Variants in FOXI1 observed in about 807,000 individuals in gnomAD.
FOXI1 encodes the protein forkhead box protein I1.
Under a neutral mutation model 16.4 loss-of-function variants are expected in FOXI1, and 11 were observed. The observed-to-expected ratio is 0.67, with a 90% confidence interval of 0.42 to 1.11. FOXI1 has a LOEUF of 1.11. Ranked by LOEUF, FOXI1 falls within the 50% of genes least tolerant of loss-of-function variation. The pLI, the probability that FOXI1 is intolerant of heterozygous loss-of-function variation, is 0.00. For missense variants in FOXI1, 480 were observed against 506.1 expected, an observed-to-expected ratio of 0.95 and a Z score of 0.49; for synonymous variants, 218 against 211.5, an observed-to-expected ratio of 1.03 and a Z score of -0.27.
At chr5:170,107,993 C>A in intron 1 of FOXI1, 56 bp from the exon 2 acceptor site, 1 of 1,381,728 alleles carries the variant, frequency 7.2e-7, no homozygotes, top group Non-Finnish European at 1.0e-6. Context: ...TAAGGAGGAA[C>A]AGAAGCAAAG....
rs1340814242 is a variant in FOXI1, at chr5:170,108,821, A to ATACTGGTG, written c.*211_*218dup. On this transcript the variant is annotated 3_prime_UTR_variant, in exon 2 of 2. Transcript: ENST00000306268. ...CAGACTCACCAACTTTGCAATAGAAATACTGGTGCCTGCAGAGCAGCACTA... is the reference window on the plus strand; with the variant it reads ...CAGACTCACCAACTTTGCAATAGAAATACTGGTGTACTGGTGCCTGCAGAGCAGCACTA... The ATACTGGTG allele has an allele frequency of 5.0e-6, 3 of 603,080 alleles. No individual in the cohort carries two copies. The allele number at this position is 603,080 out of a possible 1,614,324, so 37.4% of individuals were successfully genotyped here.
intron 1 of FOXI1, 61 bp downstream of exon 1, chr5:170,106,592 G>T: frequency 2.5e-6 from 4 of 1,601,030 alleles, no homozygotes; most frequent in South Asian, 1.1e-5. Context: ...TCCTCCCCAA[G>T]ACCCCATTCT....
chr5:170,106,345 G>C lies in FOXI1; in HGVS notation c.388G>C (p.Ala130Pro). The change falls in exon 1 of 2, where the codon GCT (alanine) becomes CCT (proline). Residue 130 changes from alanine to proline, a missense_variant. Ala to Pro is a conservative substitution (Grantham distance 27). Coordinates refer to ENST00000306268, the MANE Select transcript of FOXI1 (RefSeq NM_012188.5). The stretch of plus-strand genomic sequence containing the variant: ...GGTGCGGCCACCCTATTCCTACTCG[G>C]CTCTCATCGCCATGGCCATCCACGG... ...KLVRPPYSYS[A>P]LIAMAIHGAP... is the part of the protein sequence containing the mutation. 1 of 1,609,524 alleles carries C rather than the reference G, an allele frequency of 6.2e-7. No homozygotes were observed. The highest frequency in any genetic ancestry group is 8.5e-7 in the Non-Finnish European group (1 of 1,177,692).
intron 1 of FOXI1, among the ~76,000 whole-genome samples, 167 bp downstream of exon 1, chr5:170,106,698 GGGAAGATTTGGGTTTCAGCCCTGGC>G (rs1758500621): frequency 6.6e-6 from 1 of 152,194 alleles, no homozygotes; most frequent in Non-Finnish European, 1.5e-5. Flanking sequence ...ATGGGCCTGG[GGGAAGATTTGGGTTTCAGCCCTGGC>G]TGTGCTCCTG....
At position 170,109,499 on chromosome 5, in the gene FOXI1, T is replaced by A. The variant is rs1309660523; in HGVS notation, c.*888T>A. 6.6e-6 allele frequency: 1 copy of A among 152,090 alleles called. No homozygotes were observed. The highest frequency in any genetic ancestry group is 6.5e-5 in the Admixed American group (1 of 15,274). 9.4% of individuals were successfully genotyped at this position (152,090 alleles called of 1,614,324 possible). A position where few individuals can be genotyped will look rare whatever the true frequency, so the allele number is the denominator to read the frequency against. On this transcript the variant is annotated 3_prime_UTR_variant, in exon 2 of 2. Transcript: ENST00000306268. ...ATGTCATGGACCAGTGAGCTGGAGA[T>A]GGCTGAATCTTCCAAGAGAAACAAG...
Position 170,108,727 on chromosome 5 carries a change from C to G in FOXI1, c.*116C>G, listed in dbSNP as rs959627832. ...GAACTGCCCAGACATAAGCAGGAGCCTCCGAGGAATCCACCCTCTTTCTAG... is the reference window on the plus strand; with the variant it reads ...GAACTGCCCAGACATAAGCAGGAGCGTCCGAGGAATCCACCCTCTTTCTAG... On this transcript the variant is annotated 3_prime_UTR_variant, in exon 2 of 2. Transcript: ENST00000306268. 8 of 815,146 alleles carry G rather than the reference C, an allele frequency of 9.8e-6. No homozygotes were observed. The Admixed American group carries it at 1.3e-4, about 13-fold the overall frequency. 50.5% of individuals were successfully genotyped at this position (815,146 alleles called of 1,614,324 possible).
In FOXI1 at chr5:170,108,586, A is replaced by C. The variant is rs771554898; in HGVS notation, c.1112A>C (p.Tyr371Ser). 1 of 1,613,014 alleles carries C rather than the reference A, an allele frequency of 6.2e-7. No individual in the cohort carries two copies. Among genetic ancestry groups the C allele is most frequent in the Admixed American group, 1.7e-5 (1 of 59,998 alleles). ...YNSVNTSGVL[Y>S]PREGTEV Reference sequence around the variant, plus strand: ...AGTGTCAACACCAGTGGTGTCCTCTACCCCAGGGAGGGCACCGAGGTCTAG... The same window carrying C: ...AGTGTCAACACCAGTGGTGTCCTCTCCCCCAGGGAGGGCACCGAGGTCTAG... Residue 371 changes from tyrosine (Y) to serine (S), a missense_variant, in exon 2 of 2, where the codon TAC (tyrosine) becomes TCC (serine). Coordinates refer to ENST00000306268, the MANE Select transcript of FOXI1 (RefSeq NM_012188.5).
Position 170,105,920 on chromosome 5 carries a change from G to T in FOXI1, c.-38G>T. The T allele has an allele frequency of 6.7e-7, 1 of 1,486,676 alleles. No homozygotes were observed. The highest frequency in any genetic ancestry group is 9.3e-7 in the Non-Finnish European group (1 of 1,070,206). The allele number at this position is 1,486,676 out of a possible 1,614,324, so 92.1% of individuals were successfully genotyped here. Reference sequence around the variant, plus strand: ...CTGTCAGGGGCAGCTCCGGGGTGCAGGTGCCAGGCAGGTGGCTCCGGCCAG... The same window carrying T: ...CTGTCAGGGGCAGCTCCGGGGTGCATGTGCCAGGCAGGTGGCTCCGGCCAG... On this transcript the variant is annotated 5_prime_UTR_variant, in exon 1 of 2. In the 5' UTR this introduces an upstream ATG that the reference lacks. Transcript: ENST00000306268.
In FOXI1 at chr5:170,108,400, G is replaced by A. The variant is rs1026750367; in HGVS notation, c.926G>A (p.Ser309Asn). The A allele has an allele frequency of 3.7e-6, 6 of 1,613,710 alleles. No individual in the cohort carries two copies. In the Admixed American group the frequency reaches 8.3e-5, roughly 22 times the overall value. The stretch of plus-strand genomic sequence containing the variant: ...ACACCAGGACTGAGCCCTGAGCCCA[G>A]TGACAAGACGGGGCAGAACTCACTG... ...LVTPGLSPEP[S>N]DKTGQNSLTF... The change falls in exon 2 of 2, where the codon AGT (serine) becomes AAT (asparagine). Residue 309 changes from serine to asparagine, a missense_variant. Ser to Asn is a conservative substitution (Grantham distance 46). Coordinates refer to ENST00000306268, the MANE Select transcript of FOXI1 (RefSeq NM_012188.5).
Position 170,106,453 on chromosome 5 carries a change from G to A in FOXI1, c.496G>A (p.Gly166Ser). 6.2e-7 allele frequency: 1 copy of A among 1,614,242 alleles called. No homozygotes were observed. Among genetic ancestry groups the A allele is most frequent in the East Asian group, 2.2e-5 (1 of 44,882 alleles). ...CCCCTTCTACAACAAGAGCAAGGCC[G>A]GCTGGCAGAACTCCATCCGCCACAA... ...NFPFYNKSKA[G>S]WQNSIRHNLS... The change falls in exon 1 of 2, where the codon GGC (glycine) becomes AGC (serine). Residue 166 changes from glycine (G) to serine (S), a missense_variant. Gly to Ser is a moderately conservative substitution (Grantham distance 56). Around this residue, in one of 3 missense-constraint regions of FOXI1, gnomAD observed 4 missense variants for 21.0 expected, o/e 0.19. Transcript: ENST00000306268.
At chr5:170,107,967 T>C in intron 1 of FOXI1, 82 bp from the exon 2 acceptor site, 1 of 1,136,286 alleles carries the variant, frequency 8.8e-7, no homozygotes, top group Non-Finnish European at 1.3e-6. Flanking sequence ...TCACCTTGGC[T>C]TTTAGTTTAT....
At position 170,108,738 on chromosome 5, in the gene FOXI1, C is replaced by A; in HGVS notation, c.*127C>A. The A allele has an allele frequency of 1.3e-6, 1 of 750,298 alleles. No homozygotes were observed. Among genetic ancestry groups the A allele is most frequent in the Non-Finnish European group, 2.4e-6 (1 of 425,008 alleles). 46.5% of individuals were successfully genotyped at this position (750,298 alleles called of 1,614,324 possible). ...ACATAAGCAGGAGCCTCCGAGGAAT[C>A]CACCCTCTTTCTAGAACACTGGTTA... is the stretch of plus-strand genomic sequence containing the variant. On this transcript the variant is annotated 3_prime_UTR_variant, in exon 2 of 2. Transcript: ENST00000306268.
At position 170,106,200 on chromosome 5, in the gene FOXI1, C is replaced by T. The variant is rs1203330415; in HGVS notation, c.243C>T (p.Ala81=). Residue 81 remains alanine, a synonymous_variant, in exon 1 of 2, where the codon GCC becomes GCT. Coordinates refer to ENST00000306268, the MANE Select transcript of FOXI1 (RefSeq NM_012188.5). ...TPPPYLPGPN[A]SPFLPQAYGV... is the part of the protein sequence containing the mutation. ...CACCCTACCTGCCCGGCCCCAACGC[C>T]AGCCCCTTCCTGCCCCAGGCCTATG... 4 of 1,582,238 alleles carry T rather than the reference C, an allele frequency of 2.5e-6. No homozygotes were observed. The highest frequency in any genetic ancestry group is 2.3e-5 in the South Asian group (2 of 87,340).
In FOXI1 at chr5:170,106,527, C is replaced by G. The variant is rs1561921142; in HGVS notation, c.570C>G (p.Asp190Glu). The G allele has an allele frequency of 1.2e-6, 2 of 1,614,236 alleles. No homozygotes were observed. The highest frequency in any genetic ancestry group is 1.1e-5 in the South Asian group (1 of 91,086). ...CFKKVPRDED[D>E]PGKGNYWTLD... ...AGAAGGTGCCCCGCGACGAGGACGA[C>G]CCGGGTAAGGAGGCTTTGAGTGTGG... Residue 190 changes from aspartate (D) to glutamate (E), a missense_variant, in exon 1 of 2, where the codon GAC becomes GAG. By Grantham distance (45) the Asp-to-Glu change is conservative. Coordinates refer to ENST00000306268, the MANE Select transcript of FOXI1 (RefSeq NM_012188.5).
chr5:170,106,615 C>G, intron 1 of FOXI1, 84 bp downstream of exon 1: 17 of 1,564,214 alleles, frequency 1.1e-5, no homozygotes, highest in Non-Finnish European at 1.5e-5. Context: ...AAAGTTCTGA[C>G]TAGGGCTGTG....
chr5:170,107,016 A>G (rs138995527), intron 1 of FOXI1: 64 of 985,246 alleles, frequency 6.5e-5, no homozygotes, highest in Non-Finnish European at 7.2e-5. Flanking sequence ...CCTGGGTTAA[A>G]CAGCCACTAA....
chr5:170,108,412 G>A lies in FOXI1; in HGVS notation c.938G>A (p.Gly313Glu), dbSNP rs886060399. The change falls in exon 2 of 2, where the codon GGG (glycine) becomes GAG (glutamate). Residue 313 changes from glycine to glutamate, a missense_variant. Coordinates refer to ENST00000306268, the MANE Select transcript of FOXI1 (RefSeq NM_012188.5). ...AGCCCTGAGCCCAGTGACAAGACGG[G>A]GCAGAACTCACTGACCTTCAACTCC... ...GLSPEPSDKT[G>E]QNSLTFNSFS... is the part of the protein sequence containing the mutation. 1 of 1,611,992 alleles carries A rather than the reference G, an allele frequency of 6.2e-7. No individual in the cohort carries two copies. The highest frequency in any genetic ancestry group is 8.5e-7 in the Non-Finnish European group (1 of 1,178,404).
At chr5:170,107,103 T>G in intron 1 of FOXI1, 22 of 433,854 alleles carry the variant, frequency 5.1e-5, no homozygotes, top group Non-Finnish European at 6.8e-5. Flanking sequence ...AGGGTAGCTC[T>G]TATGAAACCC....
In FOXI1 at chr5:170,108,135, G is replaced by C; in HGVS notation, c.661G>C (p.Asp221His). The C allele has an allele frequency of 6.2e-7, 1 of 1,614,032 alleles. No homozygotes were observed. Among genetic ancestry groups the C allele is most frequent in the Non-Finnish European group, 8.5e-7 (1 of 1,179,862 alleles). Residue 221 changes from aspartate (D) to histidine (H), a missense_variant, in exon 2 of 2, where the codon GAT becomes CAT. Physicochemically the swap from Asp to His is moderately conservative, Grantham distance 81 (BLOSUM62 -1). Transcript: ENST00000306268. ...NFRRKRKRKS[D>H]VSSSTASLAL... ...CCGCAGGAAAAGGAAGAGAAAATCA[G>C]ATGTTTCCTCTAGCACAGCCTCCTT...
Sources: allele counts gnomAD v4.1 joint callset (sites outside exome capture counted in the v4.1 genomes callset), GRCh38; gene constraint gnomAD v4.1.1; regional missense constraint gnomAD v4.1.1; transcripts MANE v1.5; gene names NCBI Gene and HGNC (gene_info 2026-07-23, HGNC 2026-07-21).